The following ZNF583 variants were observed in gnomAD, a reference collection of about 807,000 sequenced individuals.
ZNF583 encodes the protein zinc finger protein 583, also known as zinc finger protein L3-5.
A neutral mutation model predicts 55.3 loss-of-function variants in ZNF583; 30 were observed. The ratio of observed to expected loss-of-function variants is 0.54; its 90% confidence interval spans 0.41 to 0.74. The LOEUF (loss-of-function observed/expected upper bound fraction) is 0.74, where lower values mean the gene tolerates loss of function less well. Ranked by LOEUF, ZNF583 falls within the 30% of genes least tolerant of loss-of-function variation. ZNF583 has a pLI of 0.00. For synonymous variants in ZNF583, 208 were observed against 220.0 expected (o/e 0.95, Z 0.48); for missense variants, 504 against 664.7 (o/e 0.76, Z 2.66).
chr19:56,413,226 A>G (rs926108126), intron 2 of ZNF583, among the ~76,000 whole-genome samples: 3 of 152,236 alleles, frequency 2.0e-5, no homozygotes, highest in African/African-American at 7.2e-5. Flanking sequence ...ACCTTAGGTC[A>G]TCAGTGAGAT....
In ZNF583 at chr19:56,425,011, TAA is replaced by T. The variant is rs923904262; in HGVS notation, c.*647_*648del. On this transcript the variant is annotated 3_prime_UTR_variant, in exon 5 of 5. Coordinates refer to ENST00000333201, the MANE Select transcript of ZNF583 (RefSeq NM_152478.3). The stretch of plus-strand genomic sequence containing the variant: ...ATCTCAGCCATGATTATCTCAGAAA[TAA>T]AAAGAGATGCAGCAGCTCAGGACTG... The T allele has an allele frequency of 2.7e-5, 4 of 150,610 alleles. No homozygotes were observed. Among genetic ancestry groups the T allele is most frequent in the African/African-American group, 4.9e-5 (2 of 41,090 alleles). The allele number at this position is 150,610 out of a possible 1,614,324, so 9.3% of individuals were successfully genotyped here.
intron 2 of ZNF583, among the ~76,000 whole-genome samples, chr19:56,411,409 T>TA (rs2042236448): frequency 1.3e-5 from 2 of 152,270 alleles, no homozygotes; most frequent in South Asian, 4.1e-4. Flanking sequence ...AAAGTAAATA[T>TA]AAAAAAATGT....
Position 56,424,587 on chromosome 19 carries a change from T to C in ZNF583, c.*219T>C. The C allele has an allele frequency of 2.1e-6, 1 of 476,794 alleles. No homozygotes were observed. The highest frequency in any genetic ancestry group is 3.7e-6 in the Non-Finnish European group (1 of 269,270). 29.5% of individuals were successfully genotyped at this position (476,794 alleles called of 1,614,324 possible). ...ATTAAAATCCCTCAGTGGCATCCCA[T>C]GGTTTTTAAGTTAAAGCACACATTC... On this transcript the variant is annotated 3_prime_UTR_variant, in exon 5 of 5. Coordinates refer to ENST00000333201, the MANE Select transcript of ZNF583 (RefSeq NM_152478.3).
chr19:56,406,748 C>A lies in ZNF583; in HGVS notation c.-89-278C>A, dbSNP rs1044554843. Among the ~76,000 whole-genome samples, 10 of 152,120 alleles carry A rather than the reference C, an allele frequency of 6.6e-5. 1 individual carries two copies. In the Middle Eastern group the frequency reaches 0.01, roughly 155 times the overall value. On this transcript the variant is annotated intron_variant, in intron 1 of 4. Coordinates refer to ENST00000333201, the MANE Select transcript of ZNF583 (RefSeq NM_152478.3). ...TTCCCCGTGTTAGCCAGGATGGTCTCGATCTCCTGACTTCGTGATTCGCCA... is the reference window on the plus strand; with the variant it reads ...TTCCCCGTGTTAGCCAGGATGGTCTAGATCTCCTGACTTCGTGATTCGCCA...
chr19:56,423,593 C>G lies in ZNF583; in HGVS notation c.935C>G (p.Thr312Ser). The change falls in exon 5 of 5, where the codon ACT becomes AGT. Residue 312 changes from threonine (T) to serine (S), a missense_variant. Physicochemically the swap from Thr to Ser is moderately conservative, Grantham distance 58. Transcript: ENST00000333201. ...GCCTTCAGCCAGATTGCACACCTGACTCAGCATCAGAGAGTTCATACTGGA... is the reference window on the plus strand; with the variant it reads ...GCCTTCAGCCAGATTGCACACCTGAGTCAGCATCAGAGAGTTCATACTGGA... ...KKAFSQIAHL[T>S]QHQRVHTGER... is the part of the protein sequence containing the mutation. The G allele has an allele frequency of 6.2e-7, 1 of 1,613,750 alleles. No individual in the cohort carries two copies. Among genetic ancestry groups the G allele is most frequent in the Non-Finnish European group, 8.5e-7 (1 of 1,179,942 alleles).
At position 56,426,020 on chromosome 19, in the gene ZNF583, AAAAG is replaced by A. The variant is rs1180033919; in HGVS notation, c.*1655_*1658del. On this transcript the variant is annotated 3_prime_UTR_variant, in exon 5 of 5. Transcript: ENST00000333201. Reference sequence around the variant, plus strand: ...ATGACGAAAGTTTAATGGAGGATGAAAAAGAAGACAAATAAATATTTTATCCTTT... The same window carrying A: ...ATGACGAAAGTTTAATGGAGGATGAAAAGACAAATAAATATTTTATCCTTT... The A allele has an allele frequency of 6.6e-6, 1 of 152,210 alleles. No individual in the cohort carries two copies. Among genetic ancestry groups the A allele is most frequent in the Non-Finnish European group, 1.5e-5 (1 of 68,036 alleles). 9.4% of individuals were successfully genotyped at this position (152,210 alleles called of 1,614,324 possible).
chr19:56,425,130 G>A lies in ZNF583; in HGVS notation c.*762G>A, dbSNP rs2042482849. The A allele has an allele frequency of 1.3e-5, 2 of 151,994 alleles. No individual in the cohort carries two copies. The highest frequency in any genetic ancestry group is 2.4e-5 in the African/African-American group (1 of 41,400). The allele number at this position is 151,994 out of a possible 1,614,324, so 9.4% of individuals were successfully genotyped here. A position where few individuals can be genotyped will look rare whatever the true frequency, so the allele number is the denominator to read the frequency against. On this transcript the variant is annotated 3_prime_UTR_variant, in exon 5 of 5. Coordinates refer to ENST00000333201, the MANE Select transcript of ZNF583 (RefSeq NM_152478.3). ...ATCTAACAGTAGGATTTACATTAGA[G>A]TCCATGATATAGGGTAAGATGGTGG...
Position 56,423,034 on chromosome 19 carries a change from G to A in ZNF583, c.376G>A (p.Asp126Asn), listed in dbSNP as rs767845671. Reference sequence around the variant, plus strand: ...TTTGAGAGAAGACTGTCAAAGTGAGGACTGGTATAAGAACCAGCTGGGAAG... The same window carrying A: ...TTTGAGAGAAGACTGTCAAAGTGAGAACTGGTATAAGAACCAGCTGGGAAG... ...PSLREDCQSE[D>N]WYKNQLGSQE... The change falls in exon 5 of 5, where the codon GAC (aspartate) becomes AAC (asparagine). Residue 126 changes from aspartate (D) to asparagine (N), a missense_variant. Asp to Asn is a conservative substitution (Grantham distance 23). Around this residue, in one of 3 missense-constraint regions of ZNF583, gnomAD observed 204 missense variants for 235.2 expected, o/e 0.87. Coordinates refer to ENST00000333201, the MANE Select transcript of ZNF583 (RefSeq NM_152478.3). 1 of 1,613,980 alleles carries A rather than the reference G, an allele frequency of 6.2e-7. No individual in the cohort carries two copies. Among genetic ancestry groups the A allele is most frequent in the Admixed American group, 1.7e-5 (1 of 60,002 alleles).
intron 3 of ZNF583, 78 bp from the exon 4 acceptor site, chr19:56,414,267 C>T (rs775889497): frequency 1.3e-6 from 2 of 1,531,102 alleles, no homozygotes; most frequent in Non-Finnish European, 1.8e-6. Context: ...TCCCATTATT[C>T]TCCCACCTTC....
rs1203830844 is a variant in ZNF583 at position 56,414,015 on chromosome 19, G to C, written c.66G>C (p.Trp22Cys). Residue 22 changes from tryptophan to cysteine, a missense_variant, in exon 3 of 5, where the codon TGG becomes TGC. Transcript: ENST00000333201. ...AVNFSQEEWE[W>C]LNPAQRNLYR... ...ATTTCTCTCAAGAGGAATGGGAATG[G>C]CTGAACCCTGCTCAGAGGAATTTGT... 1 of 1,613,496 alleles carries C rather than the reference G, an allele frequency of 6.2e-7. No individual in the cohort carries two copies. The highest frequency in any genetic ancestry group is 1.7e-5 in the Admixed American group (1 of 59,940).
chr19:56,419,965 T>G (rs2042388426), intron 4 of ZNF583, among the ~76,000 whole-genome samples: 1 of 152,214 alleles, frequency 6.6e-6, no homozygotes, highest in African/African-American at 2.4e-5. Flanking sequence ...TAACTTTTTC[T>G]TCTACTTTCC....
chr19:56,410,438 G>A (rs982620155), intron 2 of ZNF583, among the ~76,000 whole-genome samples: 2 of 151,958 alleles, frequency 1.3e-5, no homozygotes, highest in African/African-American at 2.4e-5. Context: ...GGTGGCTCAC[G>A]CCTGTAATCC....
In ZNF583 at chr19:56,407,242, C is replaced by T. The variant is rs1297213359; in HGVS notation, c.9+119C>T. ...ATAAGGTTCCATTCATCCAGTGACT[C>T]GTTCCTCATATCTTGCTTTCCAGTA... On this transcript the variant is annotated intron_variant, in intron 2 of 4. Coordinates refer to ENST00000333201, the MANE Select transcript of ZNF583 (RefSeq NM_152478.3). 3.2e-5 allele frequency: 37 copies of T among 1,138,554 alleles called. No homozygotes were observed. In the Admixed American group the frequency reaches 4.6e-4, roughly 14 times the overall value. The allele number at this position is 1,138,554 out of a possible 1,614,324, so 70.5% of individuals were successfully genotyped here. A position where few individuals can be genotyped will look rare whatever the true frequency, so the allele number is the denominator to read the frequency against.
chr19:56,414,985 C>T (rs1481734908), intron 4 of ZNF583, among the ~76,000 whole-genome samples: 1 of 149,424 alleles, frequency 6.7e-6, no homozygotes, highest in African/African-American at 2.5e-5. Context: ...CCCTGCACTC[C>T]AGCCTAGGTA....
chr19:56,407,135 T>C lies in ZNF583; in HGVS notation c.9+12T>C, dbSNP rs749329989. ...AAGCCATGTCCAAGGTAAGGAAGCA[T>C]TTCTTCTCTCTTCCCTAAAATGCCA... On this transcript the variant is annotated intron_variant, in intron 2 of 4. Coordinates refer to ENST00000333201, the MANE Select transcript of ZNF583 (RefSeq NM_152478.3). The C allele has an allele frequency of 3.8e-5, 61 of 1,613,930 alleles. 1 individual carries two copies. In the Middle Eastern group the frequency reaches 6.6e-4, roughly 18 times the overall value.
chr19:56,416,240 A>T (rs926519653), intron 4 of ZNF583, among the ~76,000 whole-genome samples: 4 of 150,704 alleles, frequency 2.7e-5, no homozygotes, highest in Non-Finnish European at 5.9e-5. Flanking sequence ...GCAGAGAATC[A>T]CTTGAACTCA....
chr19:56,411,607 T>G (rs2147567683), intron 2 of ZNF583, among the ~76,000 whole-genome samples: 1 of 152,334 alleles, frequency 6.6e-6, no homozygotes, highest in South Asian at 2.1e-4. Flanking sequence ...AAAGAGTTTG[T>G]ATTGAAGTAT....
At chr19:56,411,414 A>C (rs888181335) in intron 2 of ZNF583, among the ~76,000 whole-genome samples, 11 of 152,272 alleles carry the variant, frequency 7.2e-5, no homozygotes, top group African/African-American at 2.4e-4. Context: ...AAATATAAAA[A>C]AATGTACAAG....
chr19:56,415,426 T>G (rs1431051972), intron 4 of ZNF583, among the ~76,000 whole-genome samples: 1 of 152,110 alleles, frequency 6.6e-6, no homozygotes, highest in Admixed American at 6.5e-5. Flanking sequence ...ATAGAATGAT[T>G]TAGAGATGTC....
Sources: gnomAD v4.1 joint callset for allele counts (sites outside exome capture counted in the v4.1 genomes callset) on GRCh38, gnomAD v4.1.1 for gene constraint, gnomAD v4.1.1 regional missense constraint, MANE v1.5 for transcripts, NCBI Gene and HGNC (gene_info 2026-07-23, HGNC 2026-07-21) for gene names.